The following TMEM209 variants were observed in gnomAD, a reference collection of about 807,000 sequenced individuals.
The protein encoded by TMEM209 is transmembrane protein 209.
TMEM209 carries 65 observed loss-of-function variants against 76.2 expected under a neutral mutation model. That is an observed-to-expected ratio of 0.85 (90% CI 0.70 to 1.05). The LOEUF is 1.05. Ranked by LOEUF, TMEM209 falls within the 50% of genes least tolerant of loss-of-function variation. The probability of loss-of-function intolerance (pLI) is 0.00; values close to 1 mark genes in which losing one functional copy is unlikely to be tolerated. For synonymous variants in TMEM209, 239 were observed against 237.6 expected (o/e 1.01, Z -0.06); for missense variants, 623 against 685.5 (o/e 0.91, Z 1.02).
At chr7:130,199,162 G>C (rs1798098885) in intron 5 of TMEM209, among the ~76,000 whole-genome samples, 1 of 151,896 alleles carries the variant, frequency 6.6e-6, no homozygotes, top group African/African-American at 2.4e-5. Context: ...GTTATTCATT[G>C]TTAATACTAC....
intron 13 of TMEM209, among the ~76,000 whole-genome samples, chr7:130,170,977 C>T (rs1273472692): frequency 6.6e-6 from 1 of 151,976 alleles, no homozygotes; most frequent in Non-Finnish European, 1.5e-5. Context: ...CACAGGCGCC[C>T]ACCGCCATGC....
chr7:130,196,673 C>G (rs1797985891), intron 5 of TMEM209, among the ~76,000 whole-genome samples: 1 of 152,084 alleles, frequency 6.6e-6, no homozygotes, highest in African/African-American at 2.4e-5. Flanking sequence ...ACCAGAAAGG[C>G]CATGGCAGGG....
intron 6 of TMEM209, among the ~76,000 whole-genome samples, chr7:130,190,823 C>A (rs1358380344): frequency 6.6e-6 from 1 of 151,946 alleles, no homozygotes; most frequent in Non-Finnish European, 1.5e-5. Flanking sequence ...ATGGCAAAAC[C>A]CGGTCTCTAC....
chr7:130,202,004 AAC>A lies in TMEM209; in HGVS notation c.417_418del (p.Leu140GlufsTer3). On this transcript the variant is annotated frameshift_variant, in exon 5 of 15. Coordinates refer to ENST00000397622, the MANE Select transcript of TMEM209 (RefSeq NM_032842.4). LOFTEE classifies it high-confidence loss of function. The stretch of plus-strand genomic sequence containing the variant: ...GGGCGAACGAGAAGGGCTATAACTC[AAC>A]ACACTCTGACCCTGAATTGAAGGGG... 1 of 1,613,926 alleles carries A rather than the reference AAC, an allele frequency of 6.2e-7. No homozygotes were observed. Among genetic ancestry groups the A allele is most frequent in the South Asian group, 1.1e-5 (1 of 91,070 alleles).
intron 5 of TMEM209, among the ~76,000 whole-genome samples, chr7:130,201,606 T>TA (rs1007743047): frequency 6.6e-6 from 1 of 152,204 alleles, no homozygotes. Flanking sequence ...CAACTTGTTT[T>TA]AAAGACAGCT....
intron 14 of TMEM209, among the ~76,000 whole-genome samples, chr7:130,168,483 A>G (rs1200761361): frequency 6.6e-6 from 1 of 152,232 alleles, no homozygotes. Flanking sequence ...ACATGGAATA[A>G]TAACAATATG....
At chr7:130,181,790 T>C in intron 8 of TMEM209, 71 bp from the exon 9 acceptor site, 1 of 1,271,624 alleles carries the variant, frequency 7.9e-7, no homozygotes, top group Non-Finnish European at 1.1e-6. Context: ...CTTTCTTTTT[T>C]ACAAGCAACT....
At chr7:130,166,805 T>C (rs561096568) in intron 14 of TMEM209, among the ~76,000 whole-genome samples, 5 of 152,254 alleles carry the variant, frequency 3.3e-5, no homozygotes, top group African/African-American at 1.2e-4. Flanking sequence ...AAGATTAAAG[T>C]AAAAGTATCA....
At chr7:130,198,654 T>G (rs1436445016) in intron 5 of TMEM209, among the ~76,000 whole-genome samples, 12 of 152,188 alleles carry the variant, frequency 7.9e-5, no homozygotes, top group Admixed American at 7.9e-4. Flanking sequence ...CATTTAAGGT[T>G]AAGAATTTAC....
rs778806138 is a variant in TMEM209 at position 130,185,243 on chromosome 7, TG to T, written c.899del (p.Pro300HisfsTer25). ...QYQLACRSQA[P>X]CANKDEADLS... ...GATCGGCTTCATCTTTGTTAGCACA[TG>T]GGGCCTGAGACCTACAGGCAAGCTG... On this transcript the variant is annotated frameshift_variant, in exon 7 of 15. Coordinates refer to ENST00000397622, the MANE Select transcript of TMEM209 (RefSeq NM_032842.4). LOFTEE classifies it high-confidence loss of function. 2.5e-6 allele frequency: 4 copies of T among 1,613,990 alleles called. No homozygotes were observed. The highest frequency in any genetic ancestry group is 3.4e-6 in the Non-Finnish European group (4 of 1,179,878).
intron 10 of TMEM209, among the ~76,000 whole-genome samples, chr7:130,176,373 G>A (rs1195389742): frequency 4.6e-5 from 7 of 151,754 alleles, no homozygotes; most frequent in Admixed American, 2.6e-4. Context: ...CATCTGCCTG[G>A]GCCTCCCAAA....
At chr7:130,172,831 T>C (rs1797115120) in intron 13 of TMEM209, among the ~76,000 whole-genome samples, 1 of 151,554 alleles carries the variant, frequency 6.6e-6, no homozygotes. Flanking sequence ...AAACCCCATC[T>C]CTACTAAAAT....
rs201607156 is a variant in TMEM209 at position 130,205,402 on chromosome 7, G to T, written c.-27C>A. 1 of 1,613,554 alleles carries T rather than the reference G, an allele frequency of 6.2e-7. No individual in the cohort carries two copies. Among genetic ancestry groups the T allele is most frequent in the Non-Finnish European group, 8.5e-7 (1 of 1,179,896 alleles). On this transcript the variant is annotated 5_prime_UTR_variant, in exon 1 of 15. Coordinates refer to ENST00000397622, the MANE Select transcript of TMEM209 (RefSeq NM_032842.4). ...TCCTCTGGCCGGAAAACGCAGGCTC[G>T]CGCCACTCTCTCTGGGCATGCGCAA...
rs537284545 is a variant in TMEM209 at position 130,167,430 on chromosome 7, G to C, written c.1632-925C>G. Among the ~76,000 whole-genome samples the C allele has an allele frequency of 6.0e-4, 92 of 152,186 alleles. 1 individual carries two copies. Among genetic ancestry groups the C allele is most frequent in the African/African-American group, 2.2e-3 (91 of 41,548 alleles). ...TTAATTTTGACTTGTTTGTACATGA[G>C]TCTAAGCATCTTTTTGTGTTTAGGA... is the stretch of plus-strand genomic sequence containing the variant. On this transcript the variant is annotated intron_variant, in intron 14 of 14. Coordinates refer to ENST00000397622, the MANE Select transcript of TMEM209 (RefSeq NM_032842.4).
chr7:130,191,470 A>G (rs1214047176), intron 6 of TMEM209, among the ~76,000 whole-genome samples: 1 of 152,120 alleles, frequency 6.6e-6, no homozygotes, highest in Non-Finnish European at 1.5e-5. Flanking sequence ...ACAAATATAG[A>G]GCCCCAAATT....
chr7:130,178,270 A>T, intron 10 of TMEM209, 132 bp downstream of exon 10: 1 of 892,300 alleles, frequency 1.1e-6, no homozygotes, highest in South Asian at 2.1e-5. Flanking sequence ...TAAAGTTATT[A>T]AGCTATAATT....
rs201607156 is a variant in TMEM209, at chr7:130,205,402, G to C, written c.-27C>G. On this transcript the variant is annotated 5_prime_UTR_variant, in exon 1 of 15. Transcript: ENST00000397622. ...TCCTCTGGCCGGAAAACGCAGGCTCGCGCCACTCTCTCTGGGCATGCGCAA... is the reference window on the plus strand; with the variant it reads ...TCCTCTGGCCGGAAAACGCAGGCTCCCGCCACTCTCTCTGGGCATGCGCAA... 9 of 1,613,554 alleles carry C rather than the reference G, an allele frequency of 5.6e-6. No homozygotes were observed. Among genetic ancestry groups the C allele is most frequent in the African/African-American group, 5.3e-5 (4 of 74,934 alleles).
intron 3 of TMEM209, 128 bp from the exon 4 acceptor site, chr7:130,202,791 A>G (rs1798265766): frequency 8.9e-7 from 1 of 1,126,158 alleles, no homozygotes; most frequent in Admixed American, 3.1e-5. Flanking sequence ...AATTTAATGA[A>G]TGTTATGTGT....
intron 13 of TMEM209, among the ~76,000 whole-genome samples, chr7:130,170,881 T>A (rs914784004): frequency 4.7e-5 from 7 of 149,448 alleles, no homozygotes; most frequent in Non-Finnish European, 1.0e-4. Flanking sequence ...CAGGCTGGAG[T>A]GCAGTGGTGT....
Sources: allele counts gnomAD v4.1 joint callset (sites outside exome capture counted in the v4.1 genomes callset), GRCh38; gene constraint gnomAD v4.1.1; transcripts MANE v1.5; gene names NCBI Gene and HGNC (gene_info 2026-07-23, HGNC 2026-07-21).